EBF1: variants seen among roughly 807,000 people sequenced by gnomAD.
EBF1 encodes the protein EBF transcription factor 1, also known as transcription factor COE1.
In EBF1, 10 loss-of-function variants were observed where a neutral mutation model predicts 68.4. The ratio of observed to expected loss-of-function variants is 0.15; its 90% CI spans 0.09 to 0.25. The LOEUF is 0.25. Ranked by LOEUF, EBF1 falls within the 10% of genes least tolerant of loss-of-function variation. The pLI, the probability that EBF1 is intolerant of heterozygous loss-of-function variation, is 1.00. For missense variants in EBF1, 509 were observed against 794.4 expected (o/e 0.64, Z 4.32); for synonymous variants, 298 against 299.8 (o/e 0.99, Z 0.06).
chr5:158,726,257 T>C (rs781091447), intron 11 of EBF1, among the ~76,000 whole-genome samples: 10 of 152,184 alleles, frequency 6.6e-5, no homozygotes, highest in Admixed American at 1.3e-4. Context: ...ACTAACCAGA[T>C]TGGGGACCTA....
chr5:158,884,477 G>T (rs1799606357), intron 6 of EBF1, among the ~76,000 whole-genome samples: 1 of 152,046 alleles, frequency 6.6e-6, no homozygotes. Flanking sequence ...CTAATTACTT[G>T]CCAAGCACCA....
intron 6 of EBF1, among the ~76,000 whole-genome samples, chr5:158,907,846 C>A (rs550900377): frequency 6.6e-6 from 1 of 151,804 alleles, no homozygotes; most frequent in African/African-American, 2.4e-5. Context: ...TTGTTCTCAG[C>A]GCATTTATCA....
chr5:159,012,817 A>G (rs2127685970), intron 6 of EBF1, among the ~76,000 whole-genome samples: 1 of 152,324 alleles, frequency 6.6e-6, no homozygotes. Context: ...AGGGTCTTTA[A>G]AGAGGTCATT....
intron 6 of EBF1, among the ~76,000 whole-genome samples, chr5:159,015,962 C>T (rs1765545626): frequency 6.6e-6 from 1 of 152,172 alleles, no homozygotes; most frequent in Non-Finnish European, 1.5e-5. Context: ...CTGAGCTGGA[C>T]CAAAGAAAGG....
intron 15 of EBF1, among the ~76,000 whole-genome samples, chr5:158,704,670 A>G (rs1757485328): frequency 6.6e-6 from 1 of 151,168 alleles, no homozygotes; most frequent in Non-Finnish European, 1.5e-5. Context: ...AAAGTTAAAG[A>G]TGAAGTAATT....
intron 6 of EBF1, among the ~76,000 whole-genome samples, chr5:158,903,211 G>C (rs1443479167): frequency 6.6e-6 from 1 of 152,164 alleles, no homozygotes; most frequent in Non-Finnish European, 1.5e-5. Flanking sequence ...CCTTCCCCGG[G>C]TCAGCTCATT....
intron 7 of EBF1, among the ~76,000 whole-genome samples, chr5:158,830,192 A>G (rs1041203421): frequency 6.6e-6 from 1 of 152,186 alleles, no homozygotes; most frequent in Admixed American, 6.5e-5. Flanking sequence ...CTTCAAGATC[A>G]TAGGACAAAT....
chr5:158,799,798 C>T lies in EBF1; in HGVS notation c.779-3323G>A, dbSNP rs118122007. On this transcript the variant is annotated intron_variant, in intron 8 of 15. Transcript: ENST00000313708. ...CCCCATAAAAATGCAGGCCTAGCAT[C>T]GTCTGGGTTTCTGGTGATCTTTCCA... 9.9e-4 allele frequency among the ~76,000 whole-genome samples: 150 copies of T among 152,238 alleles called. 1 individual carries two copies. The East Asian group carries it at 0.021, about 21-fold the overall frequency.
intron 6 of EBF1, among the ~76,000 whole-genome samples, chr5:158,900,520 T>C (rs1275298838): frequency 6.6e-6 from 1 of 152,194 alleles, no homozygotes; most frequent in African/African-American, 2.4e-5. Context: ...ATTGATAGCA[T>C]TTGTACAACT....
At chr5:159,056,328 C>T (rs1774719044) in intron 6 of EBF1, among the ~76,000 whole-genome samples, 1 of 152,168 alleles carries the variant, frequency 6.6e-6, no homozygotes, top group African/African-American at 2.4e-5. Context: ...TTCAGCCAGA[C>T]CAGATAGTCA....
intron 6 of EBF1, among the ~76,000 whole-genome samples, chr5:158,934,853 G>A (rs1811635135): frequency 1.3e-5 from 2 of 152,196 alleles, no homozygotes; most frequent in South Asian, 2.1e-4. Flanking sequence ...CTGACCCTGA[G>A]CTAAATTCTT....
At chr5:158,790,103 A>C (rs1427127387) in intron 9 of EBF1, among the ~76,000 whole-genome samples, 3 of 152,210 alleles carry the variant, frequency 2.0e-5, no homozygotes, top group African/African-American at 7.2e-5. Flanking sequence ...GAAAGCATGC[A>C]TCTGGATAAA....
At chr5:158,997,443 A>G (rs10061082) in intron 6 of EBF1, among the ~76,000 whole-genome samples, 92,822 of 151,990 alleles carry the variant, frequency 0.61, 28,987 homozygotes, top group South Asian at 0.8. Context: ...ATCCACATAC[A>G]TAGAGTTGTT....
intron 7 of EBF1, among the ~76,000 whole-genome samples, chr5:158,825,737 A>G (rs1785958614): frequency 6.6e-6 from 1 of 152,174 alleles, no homozygotes; most frequent in Non-Finnish European, 1.5e-5. Context: ...TCAAAATTGG[A>G]AAAAAGATAA....
At position 158,699,077 on chromosome 5, in the gene EBF1, C is replaced by T. The variant is rs376783373; in HGVS notation, c.*34G>A. 283 of 1,586,108 alleles carry T rather than the reference C, an allele frequency of 1.8e-4. No individual in the cohort carries two copies. Among genetic ancestry groups the T allele is most frequent in the Non-Finnish European group, 2.3e-4 (264 of 1,166,908 alleles). On this transcript the variant is annotated 3_prime_UTR_variant, in exon 16 of 16. Transcript: ENST00000313708. ...ATTACTCTCTGTAGCAGAATCCAAC[C>T]TCTTCATTAATACAATTCTTCAAGG...
chr5:158,923,961 A>G (rs1467747486), intron 6 of EBF1, among the ~76,000 whole-genome samples: 1 of 152,232 alleles, frequency 6.6e-6, no homozygotes, highest in Non-Finnish European at 1.5e-5. Context: ...ACTTGAAACT[A>G]CATTCACACA....
intron 4 of EBF1, among the ~76,000 whole-genome samples, chr5:159,090,059 T>C (rs1200933950): frequency 1.3e-5 from 2 of 152,056 alleles, no homozygotes; most frequent in Non-Finnish European, 2.9e-5. Flanking sequence ...AATAAGTTCA[T>C]GAATGCACAA....
At chr5:158,900,180 A>G (rs1325559561) in intron 6 of EBF1, among the ~76,000 whole-genome samples, 1 of 152,172 alleles carries the variant, frequency 6.6e-6, no homozygotes, top group Non-Finnish European at 1.5e-5. Context: ...CTTATCTAAG[A>G]AGATGTTCTT....
intron 6 of EBF1, among the ~76,000 whole-genome samples, chr5:159,027,627 C>A (rs1227678903): frequency 6.6e-6 from 1 of 152,212 alleles, no homozygotes; most frequent in East Asian, 1.9e-4. Flanking sequence ...TTCATTTGAC[C>A]AGTTGATCTT....
Sources: gnomAD v4.1 joint callset for allele counts (sites outside exome capture counted in the v4.1 genomes callset) on GRCh38, gnomAD v4.1.1 for gene constraint, MANE v1.5 for transcripts, NCBI Gene and HGNC (gene_info 2026-07-23, HGNC 2026-07-21) for gene names.